PSIP1: variants seen among roughly 807,000 people sequenced by gnomAD.
PSIP1 encodes the protein PC4 and SRSF1 interacting protein 1, also known as PC4 and SFRS1-interacting protein.
PSIP1 carries 19 observed loss-of-function variants against 74.7 expected under a neutral mutation model. The observed-to-expected ratio is 0.25, with a 90% CI of 0.18 to 0.37. PSIP1 has a LOEUF of 0.37. PSIP1 is among the 10% of genes least tolerant of loss of function. The pLI is 1.00. For missense variants in PSIP1, 601 were observed against 614.3 expected, an observed-to-expected ratio of 0.98 and a Z score of 0.23; for synonymous variants, 222 against 195.3, an observed-to-expected ratio of 1.14 and a Z score of -1.14.
chr9:15,478,620 A>C (rs1048391956), intron 7 of PSIP1, 68 bp from the exon 8 acceptor site: 15 of 1,052,536 alleles, frequency 1.4e-5, no homozygotes, highest in Non-Finnish European at 2.2e-5. Flanking sequence ...CTCAGATATA[A>C]ATATTAGAAA....
At chr9:15,505,134 T>G (rs915400529) in intron 3 of PSIP1, 6 of 152,124 alleles carry the variant, frequency 3.9e-5, no homozygotes, top group African/African-American at 1.4e-4. Flanking sequence ...AGACACAGTT[T>G]CACCATGTTG....
At chr9:15,475,387 A>G (rs1028519368) in intron 8 of PSIP1, among the ~76,000 whole-genome samples, 1 of 152,176 alleles carries the variant, frequency 6.6e-6, no homozygotes, top group Non-Finnish European at 1.5e-5. Context: ...TCCCATTTAA[A>G]AAGACATTTC....
At chr9:15,483,884 T>C (rs965023922) in intron 6 of PSIP1, among the ~76,000 whole-genome samples, 3 of 152,052 alleles carry the variant, frequency 2.0e-5, no homozygotes, top group Non-Finnish European at 2.9e-5. Context: ...TCCCAGCACT[T>C]TGGGAGGCAG....
intron 7 of PSIP1, 109 bp downstream of exon 7, chr9:15,479,482 A>C: frequency 1.4e-6 from 1 of 704,404 alleles, no homozygotes; most frequent in Non-Finnish European, 2.3e-6. Flanking sequence ...TGTTACACAT[A>C]ATCAATTGCC....
At chr9:15,508,304 A>T (rs934522095) in intron 2 of PSIP1, among the ~76,000 whole-genome samples, 4 of 152,234 alleles carry the variant, frequency 2.6e-5, no homozygotes. Context: ...GAAGACAGAA[A>T]AAGGAATGTA....
rs756784732 is a variant in PSIP1 at position 15,468,984 on chromosome 9, G to T, written c.1179C>A (p.His393Gln). Residue 393 changes from histidine (H) to glutamine (Q), a missense_variant, in exon 13 of 16, where the codon CAC becomes CAA. Transcript: ENST00000380733. The stretch of plus-strand genomic sequence containing the variant: ...TTTTCAGTGTAGTAATCATCTCTGT[G>T]TGTTTCTGAGCTTGTTGCATTGTGA... ...LQVTMQQAQK[H>Q]TEMITTLKKI... is the part of the protein sequence containing the mutation. 12 of 1,613,918 alleles carry T rather than the reference G, an allele frequency of 7.4e-6. No individual in the cohort carries two copies. Among genetic ancestry groups the T allele is most frequent in the Non-Finnish European group, 1.0e-5 (12 of 1,179,934 alleles).
chr9:15,474,277 C>CTA (rs1193783449), intron 8 of PSIP1, 40 bp from the exon 9 acceptor site: 3 of 1,489,450 alleles, frequency 2.0e-6, no homozygotes, highest in Non-Finnish European at 2.7e-6. Flanking sequence ...TGTCATTCAA[C>CTA]TATAATAGTA....
chr9:15,479,130 C>A (rs1031407187), intron 7 of PSIP1, among the ~76,000 whole-genome samples: 1 of 152,026 alleles, frequency 6.6e-6, no homozygotes, highest in African/African-American at 2.4e-5. Context: ...CAAAATATTT[C>A]CAATTTGCCA....
chr9:15,474,277 C>G (rs1184073039), intron 8 of PSIP1, 40 bp from the exon 9 acceptor site: 2 of 1,489,332 alleles, frequency 1.3e-6, no homozygotes, highest in African/African-American at 2.8e-5. Context: ...TGTCATTCAA[C>G]TATAATAGTA....
At chr9:15,506,338 T>A (rs1272912374) in intron 3 of PSIP1, 1 of 386,886 alleles carries the variant, frequency 2.6e-6, no homozygotes, top group Non-Finnish European at 4.6e-6. Flanking sequence ...GCTCAGAGAA[T>A]TTCTACTTTC....
chr9:15,478,744 A>T (rs1273138565), intron 7 of PSIP1, among the ~76,000 whole-genome samples, 192 bp from the exon 8 acceptor site: 2 of 152,180 alleles, frequency 1.3e-5, no homozygotes, highest in Non-Finnish European at 2.9e-5. Context: ...AAAAATTTAT[A>T]AAGAGGTAAA....
At chr9:15,473,758 G>A (rs1056561913) in intron 9 of PSIP1, among the ~76,000 whole-genome samples, 22 of 151,646 alleles carry the variant, frequency 1.5e-4, no homozygotes, top group African/African-American at 5.1e-4. Context: ...AAAATTAGCC[G>A]GTAGTGGTGG....
chr9:15,493,803 C>T (rs1217137565), intron 3 of PSIP1, among the ~76,000 whole-genome samples: 1 of 152,150 alleles, frequency 6.6e-6, no homozygotes, highest in African/African-American at 2.4e-5. Context: ...GAAATTGCCC[C>T]AATCATTCAA....
intron 5 of PSIP1, 32 bp downstream of exon 5, chr9:15,486,794 TG>T: frequency 6.9e-7 from 1 of 1,453,430 alleles, no homozygotes; most frequent in Non-Finnish European, 9.5e-7. Flanking sequence ...TGAAACAAAA[TG>T]GGTTTAAAAT....
intron 3 of PSIP1, among the ~76,000 whole-genome samples, chr9:15,503,903 T>C (rs1016455835): frequency 1.3e-5 from 2 of 152,090 alleles, no homozygotes; most frequent in African/African-American, 4.8e-5. Flanking sequence ...CACACTACCA[T>C]GCCAGGCTAA....
intron 2 of PSIP1, among the ~76,000 whole-genome samples, chr9:15,508,766 G>A (rs1586875221): frequency 6.6e-6 from 1 of 152,144 alleles, no homozygotes; most frequent in Admixed American, 6.5e-5. Context: ...GGACTATGGA[G>A]GGTATAAACA....
chr9:15,464,799 A>AGTT lies in PSIP1; in HGVS notation c.*718_*720dup, dbSNP rs982715100. The AGTT allele has an allele frequency of 1.4e-4, 28 of 206,938 alleles. No individual in the cohort carries two copies. Among genetic ancestry groups the AGTT allele is most frequent in the African/African-American group, 5.5e-4 (24 of 44,002 alleles). 12.8% of individuals were successfully genotyped at this position (206,938 alleles called of 1,614,324 possible). ...GATTCATTCCTATATATACCCAGTC[A>AGTT]GTTGTCTGCAAAGAAGTCCTAAGAC... On this transcript the variant is annotated 3_prime_UTR_variant, in exon 16 of 16. Transcript: ENST00000380733.
chr9:15,467,308 C>T (rs945039427), intron 14 of PSIP1, among the ~76,000 whole-genome samples: 6 of 152,048 alleles, frequency 3.9e-5, no homozygotes, highest in African/African-American at 1.4e-4. Context: ...ATTTTTGTGC[C>T]TAATAAAGGG....
chr9:15,468,904 T>A, intron 13 of PSIP1, 53 bp downstream of exon 13: 1 of 1,603,008 alleles, frequency 6.2e-7, no homozygotes, highest in Non-Finnish European at 8.5e-7. Context: ...AAACAATTTT[T>A]AAATGAAGTA....
Sources: allele counts gnomAD v4.1 joint callset (sites outside exome capture counted in the v4.1 genomes callset), GRCh38; gene constraint gnomAD v4.1.1; transcripts MANE v1.5; gene names NCBI Gene and HGNC (gene_info 2026-07-23, HGNC 2026-07-21).